Variants in UQCRC2 observed in about 807,000 individuals in gnomAD.
UQCRC2 encodes cytochrome b-c1 complex subunit 2, mitochondrial.
Under a neutral mutation model 55.6 loss-of-function variants are expected in UQCRC2, and 49 were observed. The ratio of observed to expected loss-of-function variants is 0.88; its 90% confidence interval spans 0.70 to 1.12. UQCRC2 has a LOEUF of 1.12. Among genes scored for constraint, UQCRC2 ranks in the 50% most tolerant of loss-of-function variants. The probability of loss-of-function intolerance (pLI) is 0.00; values close to 1 mark genes in which losing one functional copy is unlikely to be tolerated. For synonymous variants in UQCRC2, 193 were observed against 192.0 expected (o/e 1.01, Z -0.04); for missense variants, 506 against 547.8 (o/e 0.92, Z 0.76).
chr16:21,976,819 T>C (rs1230114919), intron 12 of UQCRC2: 1 of 152,184 alleles, frequency 6.6e-6, no homozygotes, highest in Non-Finnish European at 1.5e-5. Flanking sequence ...AAGACAAAAA[T>C]GATCTCTGAT....
At chr16:21,964,352 A>G (rs1418123112) in intron 6 of UQCRC2, among the ~76,000 whole-genome samples, 1 of 152,114 alleles carries the variant, frequency 6.6e-6, no homozygotes, top group Non-Finnish European at 1.5e-5. Context: ...GTCAGCCTCC[A>G]GGTTTACGTC....
intron 10 of UQCRC2, among the ~76,000 whole-genome samples, chr16:21,972,576 T>C (rs1329478912): frequency 6.6e-6 from 1 of 152,040 alleles, no homozygotes. Context: ...AGATTAAATT[T>C]GAAAAGAAAA....
chr16:21,966,784 A>G (rs1313250287), intron 7 of UQCRC2, among the ~76,000 whole-genome samples: 1 of 152,230 alleles, frequency 6.6e-6, no homozygotes, highest in Non-Finnish European at 1.5e-5. Flanking sequence ...TGTGTCATTA[A>G]GTTAGCTAAA....
intron 4 of UQCRC2, among the ~76,000 whole-genome samples, chr16:21,960,110 G>A (rs1049474578): frequency 1.3e-5 from 2 of 152,140 alleles, no homozygotes; most frequent in African/African-American, 4.8e-5. Flanking sequence ...AAGCTTTGAC[G>A]CCAGGCATTG....
At chr16:21,955,054 CAAAA>C (rs11388256) in intron 1 of UQCRC2, among the ~76,000 whole-genome samples, 1 of 101,892 alleles carries the variant, frequency 9.8e-6, no homozygotes. Context: ...GACTCCGTCT[CAAAA>C]AAAAAAAAAA....
At chr16:21,978,526 TTTC>T (rs1898639358) in intron 12 of UQCRC2, among the ~76,000 whole-genome samples, 1 of 152,160 alleles carries the variant, frequency 6.6e-6, no homozygotes, top group Admixed American at 6.5e-5. Flanking sequence ...CCACCTGCCT[TTTC>T]CATCATACCC....
At chr16:21,978,715 T>G (rs912458815) in intron 12 of UQCRC2, among the ~76,000 whole-genome samples, 2 of 152,252 alleles carry the variant, frequency 1.3e-5, no homozygotes, top group African/African-American at 4.8e-5. Flanking sequence ...ACGGTTCACG[T>G]ACTTGGTGAA....
intron 4 of UQCRC2, 170 bp from the exon 5 acceptor site, chr16:21,962,290 A>G: frequency 1.4e-6 from 1 of 725,336 alleles, no homozygotes; most frequent in East Asian, 2.7e-5. Context: ...CTGGTTTTTA[A>G]AAAAATTTTG....
At position 21,961,226 on chromosome 16, in the gene UQCRC2, T is replaced by G. The variant is rs1237257665; in HGVS notation, c.333-1234T>G. 2.3e-5 allele frequency: 8 copies of G among 347,490 alleles called. No homozygotes were observed. The East Asian group carries it at 6.9e-4, about 30-fold the overall frequency. 21.5% of individuals were successfully genotyped at this position (347,490 alleles called of 1,614,324 possible). A position where few individuals can be genotyped will look rare whatever the true frequency, so the allele number is the denominator to read the frequency against. ...ATTGATACAACCACTTAGGAAAGAA[T>G]CAAGGAATATCTGGTAATATTGAAA... On this transcript the variant is annotated intron_variant, in intron 4 of 13. Transcript: ENST00000268379.
At chr16:21,976,936 A>G (rs1567479047) in intron 12 of UQCRC2, 3 of 152,208 alleles carry the variant, frequency 2.0e-5, no homozygotes, top group Admixed American at 6.5e-5. Context: ...TTATAAAGAT[A>G]TCTTTGGGCT....
At chr16:21,963,729 A>G (rs1459820391) in intron 6 of UQCRC2, among the ~76,000 whole-genome samples, 1 of 152,064 alleles carries the variant, frequency 6.6e-6, no homozygotes, top group African/African-American at 2.4e-5. Context: ...TCAGCTTCCC[A>G]AAGTGCTGGG....
chr16:21,976,917 T>C (rs894122849), intron 12 of UQCRC2: 6 of 152,252 alleles, frequency 3.9e-5, no homozygotes, highest in African/African-American at 1.4e-4. Context: ...ACTTGTGCAT[T>C]TTCTGCAGTT....
chr16:21,971,341 ATAGTT>A (rs1898454826), intron 8 of UQCRC2, among the ~76,000 whole-genome samples, 179 bp from the exon 9 acceptor site: 1 of 152,242 alleles, frequency 6.6e-6, no homozygotes, highest in South Asian at 2.1e-4. Flanking sequence ...TATATAGTAA[ATAGTT>A]TAGTAATAGT....
chr16:21,966,168 A>G (rs551788499), intron 7 of UQCRC2, among the ~76,000 whole-genome samples: 8 of 151,738 alleles, frequency 5.3e-5, no homozygotes, highest in African/African-American at 1.9e-4. Context: ...AAATATATAT[A>G]TATGTGTGTG....
intron 6 of UQCRC2, among the ~76,000 whole-genome samples, chr16:21,964,614 T>C (rs1898281945): frequency 6.6e-6 from 1 of 152,186 alleles, no homozygotes; most frequent in Non-Finnish European, 1.5e-5. Flanking sequence ...TGTTCCCAAA[T>C]GATTTCCCCT....
chr16:21,967,906 G>C, intron 7 of UQCRC2, among the ~76,000 whole-genome samples: 1 of 151,570 alleles, frequency 6.6e-6, no homozygotes, highest in Non-Finnish European at 1.5e-5. Flanking sequence ...AAACACAAAA[G>C]AAACCTGACA....
intron 13 of UQCRC2, 53 bp from the exon 14 acceptor site, chr16:21,983,032 TTGA>T: frequency 6.7e-7 from 1 of 1,500,148 alleles, no homozygotes; most frequent in Non-Finnish European, 9.2e-7. Context: ...GTTCGCCTGC[TTGA>T]TGATATATAT....
chr16:21,976,149 T>C lies in UQCRC2; in HGVS notation c.1048-18T>C. On this transcript the variant is annotated intron_variant, in intron 11 of 13. Coordinates refer to ENST00000268379, the MANE Select transcript of UQCRC2 (RefSeq NM_003366.4). ...CTGGTACTGACCACAGATGACCAAC[T>C]TTTCTTATCTGTCCTAGGTTATCAA... 6.2e-7 allele frequency: 1 copy of C among 1,608,468 alleles called. No homozygotes were observed. The highest frequency in any genetic ancestry group is 1.3e-5 in the African/African-American group (1 of 74,848).
Position 21,957,220 on chromosome 16 carries a change from G to A in UQCRC2, c.34-15G>A. 1.2e-6 allele frequency: 2 copies of A among 1,612,662 alleles called. No individual in the cohort carries two copies. Among genetic ancestry groups the A allele is most frequent in the Non-Finnish European group, 1.7e-6 (2 of 1,179,460 alleles). On this transcript the variant is annotated splice_polypyrimidine_tract_variant and intron_variant, in intron 1 of 13. Transcript: ENST00000268379. ...CTTGTGAGAAATACGTGTAACCTGT[G>A]TTTTTTATGTTTAGAGATTTTATTC... is the stretch of plus-strand genomic sequence containing the variant.
Sources: allele counts gnomAD v4.1 joint callset (sites outside exome capture counted in the v4.1 genomes callset), GRCh38; gene constraint gnomAD v4.1.1; transcripts MANE v1.5; gene names NCBI Gene and HGNC (gene_info 2026-07-23, HGNC 2026-07-21).